Variants in ADAMTSL3 observed in about 807,000 individuals in gnomAD.
ADAMTSL3 encodes ADAMTS-like protein 3.
Under a neutral mutation model 201.7 loss-of-function variants are expected in ADAMTSL3, and 128 were observed. The ratio of observed to expected loss-of-function variants is 0.63; its 90% confidence interval spans 0.55 to 0.73. ADAMTSL3 has a LOEUF of 0.73. ADAMTSL3 is among the 30% of genes least tolerant of loss of function. The pLI, the probability that ADAMTSL3 is intolerant of heterozygous loss-of-function variation, is 0.00. For synonymous variants in ADAMTSL3, 738 were observed against 748.4 expected (o/e 0.99, Z 0.23); for missense variants, 1,990 against 2,119.6 (o/e 0.94, Z 1.20).
At chr15:83,720,540 C>G (rs2062086065) in intron 3 of ADAMTSL3, among the ~76,000 whole-genome samples, 1 of 152,204 alleles carries the variant, frequency 6.6e-6, no homozygotes, top group African/African-American at 2.4e-5. Flanking sequence ...TTCACACATT[C>G]TGACACCAGA....
rs753831032 is a variant in ADAMTSL3 at position 83,913,214 on chromosome 15, A to T, written c.1823A>T (p.Glu608Val). The change falls in exon 16 of 30, where the codon GAG becomes GTG. Residue 608 changes from glutamate to valine, a missense_variant. Physicochemically the swap from Glu to Val is moderately radical, Grantham distance 121 (BLOSUM62 -2). Coordinates refer to ENST00000286744, the MANE Select transcript of ADAMTSL3 (RefSeq NM_207517.3). Reference protein sequence around the residue: ...TQTETELPEEECEGPKLPTER... With the variant: ...TQTETELPEEVCEGPKLPTER... The stretch of plus-strand genomic sequence containing the variant: ...ACTGAGACTGAGCTGCCCGAGGAAG[A>T]GTGTGAAGGCCCCAAGCTGCCCACC... 1.9e-6 allele frequency: 3 copies of T among 1,614,070 alleles called. No individual in the cohort carries two copies. Among genetic ancestry groups the T allele is most frequent in the South Asian group, 1.1e-5 (1 of 91,074 alleles).
intron 3 of ADAMTSL3, among the ~76,000 whole-genome samples, chr15:83,748,035 A>G (rs1357007418): frequency 6.6e-6 from 1 of 151,834 alleles, no homozygotes; most frequent in Non-Finnish European, 1.5e-5. Context: ...CATTCCCCTT[A>G]AAGAAAACAT....
At chr15:83,739,355 A>G (rs1045302550) in intron 3 of ADAMTSL3, among the ~76,000 whole-genome samples, 2 of 151,028 alleles carry the variant, frequency 1.3e-5, no homozygotes, top group African/African-American at 4.9e-5. Flanking sequence ...AGCACCCTGA[A>G]ACTTTTTGTA....
chr15:83,810,479 G>T (rs977231798), intron 5 of ADAMTSL3, among the ~76,000 whole-genome samples: 3 of 152,146 alleles, frequency 2.0e-5, no homozygotes, highest in Admixed American at 1.3e-4. Context: ...TTTTATTGTT[G>T]TGGTAACATA....
Position 84,014,597 on chromosome 15 carries a change from T to C in ADAMTSL3, c.4029T>C (p.Asn1343=). 3 of 1,614,192 alleles carry C rather than the reference T, an allele frequency of 1.9e-6. No homozygotes were observed. Among genetic ancestry groups the C allele is most frequent in the South Asian group, 2.2e-5 (2 of 91,074 alleles). ...AGAGAGGAGGATCTCTGAGTGGCAA[T>C]GTTTCCTTGCTTTTCAATGGATCCC... ...WLKRGGSLSG[N]VSLLFNGSLL... The change falls in exon 24 of 30, where the codon AAT becomes AAC. Residue 1343 remains asparagine (N), a synonymous_variant. Transcript: ENST00000286744.
At chr15:83,921,827 G>A (rs2066150630) in intron 16 of ADAMTSL3, among the ~76,000 whole-genome samples, 1 of 149,408 alleles carries the variant, frequency 6.7e-6, no homozygotes, top group African/African-American at 2.5e-5. Context: ...TGGGACTATA[G>A]GCACACCCAC....
rs542969431 is a variant in ADAMTSL3 at position 83,703,579 on chromosome 15, C to T, written c.70-810C>T. 1.6e-4 allele frequency among the ~76,000 whole-genome samples: 25 copies of T among 152,208 alleles called. 1 individual carries two copies. Among genetic ancestry groups the T allele is most frequent in the Admixed American group, 4.6e-4 (7 of 15,280 alleles). ...ATCTGATGGTTTTATCAGGGGTTTC[C>T]GCTTTTGCATCCCTCTCACTTTCTC... On this transcript the variant is annotated intron_variant, in intron 2 of 29. Transcript: ENST00000286744.
intron 19 of ADAMTSL3, among the ~76,000 whole-genome samples, chr15:83,943,429 A>G (rs1253543955): frequency 3.3e-5 from 5 of 152,204 alleles, no homozygotes; most frequent in Non-Finnish European, 7.3e-5. Flanking sequence ...ATGTGGAATC[A>G]TTCATTAAGC....
chr15:83,667,647 A>T (rs2061267151), intron 2 of ADAMTSL3, among the ~76,000 whole-genome samples: 1 of 151,878 alleles, frequency 6.6e-6, no homozygotes, highest in Non-Finnish European at 1.5e-5. Flanking sequence ...TATGTAATAA[A>T]CTTTTTAAAG....
intron 9 of ADAMTSL3, among the ~76,000 whole-genome samples, chr15:83,883,139 TTTCTATTTTATTTTA>T (rs149353139): frequency 0.32 from 48,417 of 149,914 alleles, 8,033 homozygotes; most frequent in Middle Eastern, 0.46. Flanking sequence ...TATAATACTA[TTTCTATTTTATTTTA>T]TTTTATTTTA....
intron 7 of ADAMTSL3, among the ~76,000 whole-genome samples, chr15:83,847,037 T>G (rs1409208746): frequency 2.0e-5 from 3 of 152,186 alleles, no homozygotes; most frequent in Non-Finnish European, 4.4e-5. Flanking sequence ...GGCCAGTAAA[T>G]AAACATACGT....
At chr15:84,036,655 T>C in intron 28 of ADAMTSL3, 118 bp from the exon 29 acceptor site, 1 of 728,244 alleles carries the variant, frequency 1.4e-6, no homozygotes, top group Non-Finnish European at 2.2e-6. Flanking sequence ...TCTTAGACTC[T>C]CCATCCAACC....
intron 15 of ADAMTSL3, among the ~76,000 whole-genome samples, chr15:83,907,031 C>T (rs2065849332): frequency 6.8e-6 from 1 of 147,058 alleles, no homozygotes; most frequent in Non-Finnish European, 1.5e-5. Context: ...GAGTTCAAGG[C>T]TGCATTGAGC....
intron 7 of ADAMTSL3, among the ~76,000 whole-genome samples, chr15:83,842,191 A>G (rs1017279412): frequency 6.6e-6 from 1 of 151,110 alleles, no homozygotes; most frequent in African/African-American, 2.4e-5. Context: ...AGGTTTATTG[A>G]ATGGTGGAGG....
intron 17 of ADAMTSL3, among the ~76,000 whole-genome samples, chr15:83,940,956 G>C (rs12914327): frequency 0.14 from 20,967 of 152,008 alleles, 1,858 homozygotes; most frequent in Middle Eastern, 0.34. Flanking sequence ...TAATTCCTTA[G>C]AAAGTTATCT....
chr15:83,722,800 G>A (rs533082385), intron 3 of ADAMTSL3, among the ~76,000 whole-genome samples: 29 of 152,096 alleles, frequency 1.9e-4, no homozygotes, highest in African/African-American at 6.5e-4. Context: ...AGTGATATTG[G>A]AACAGTTGGT....
In ADAMTSL3 at chr15:84,031,403, C is replaced by T. The variant is rs1322309377; in HGVS notation, c.4725C>T (p.Ser1575=). Residue 1575 remains serine (S), a synonymous_variant, in exon 28 of 30, where the codon AGC becomes AGT. Coordinates refer to ENST00000286744, the MANE Select transcript of ADAMTSL3 (RefSeq NM_207517.3). ...GTCACACAGCTTGTCAACACAACAGCTCTGACTCCAACTGTGATGACAGAA... is the reference window on the plus strand; with the variant it reads ...GTCACACAGCTTGTCAACACAACAGTTCTGACTCCAACTGTGATGACAGAA... ...QQRHTACQHN[S]SDSNCDDRKR... is the part of the protein sequence containing the mutation. The T allele has an allele frequency of 6.2e-7, 1 of 1,614,136 alleles. No homozygotes were observed.
chr15:83,770,936 A>G (rs1214379476), intron 3 of ADAMTSL3, among the ~76,000 whole-genome samples: 1 of 152,062 alleles, frequency 6.6e-6, no homozygotes, highest in Non-Finnish European at 1.5e-5. Context: ...GTGTGGTGGC[A>G]GGCACCTGTA....
intron 3 of ADAMTSL3, among the ~76,000 whole-genome samples, chr15:83,714,859 TCC>T (rs1567093226): frequency 0.03 from 1,226 of 41,034 alleles, 44 homozygotes; most frequent in Non-Finnish European, 0.036. Context: ...TTTCCCTCCC[TCC>T]CTCCCTCCCT....
Sources: allele counts gnomAD v4.1 joint callset (sites outside exome capture counted in the v4.1 genomes callset), GRCh38; gene constraint gnomAD v4.1.1; transcripts MANE v1.5; gene names NCBI Gene and HGNC (gene_info 2026-07-23, HGNC 2026-07-21).